Variants in TMEM87B observed in about 807,000 individuals in gnomAD.
TMEM87B encodes transmembrane protein 87B.
A neutral mutation model predicts 80.3 loss-of-function variants in TMEM87B; 83 were observed. The observed-to-expected ratio is 1.03, with a 90% CI of 0.87 to 1.24. The LOEUF (loss-of-function observed/expected upper bound fraction) is 1.24, where lower values mean the gene tolerates loss of function less well. Ranked by LOEUF, TMEM87B falls within the 50% of genes most tolerant of loss-of-function variation. The pLI is 0.00. For synonymous variants in TMEM87B, 219 were observed against 230.5 expected (o/e 0.95, Z 0.45); for missense variants, 625 against 674.4 (o/e 0.93, Z 0.81).
chr2:112,085,784 A>G (rs1679125986), intron 8 of TMEM87B, among the ~76,000 whole-genome samples: 1 of 152,240 alleles, frequency 6.6e-6, no homozygotes, highest in African/African-American at 2.4e-5. Context: ...AGCTGTGCCC[A>G]GTGGAGCAGA....
chr2:112,068,215 A>AAAAAAC (rs910565364), intron 4 of TMEM87B, among the ~76,000 whole-genome samples: 4 of 152,344 alleles, frequency 2.6e-5, no homozygotes, highest in East Asian at 3.9e-4. Context: ...ACTCCGTCTC[A>AAAAAAC]AAAAACAAAA....
At chr2:112,069,385 C>A (rs1004208775) in intron 4 of TMEM87B, among the ~76,000 whole-genome samples, 3 of 152,078 alleles carry the variant, frequency 2.0e-5, no homozygotes. Flanking sequence ...ATTTTCTCAT[C>A]ATTTAGCTCC....
At chr2:112,111,578 C>G (rs938276773) in intron 17 of TMEM87B, among the ~76,000 whole-genome samples, 1 of 152,090 alleles carries the variant, frequency 6.6e-6, no homozygotes, top group Non-Finnish European at 1.5e-5. Flanking sequence ...TCTTCACTTA[C>G]GAAAACTTTA....
chr2:112,112,724 A>T (rs572259598), intron 17 of TMEM87B, among the ~76,000 whole-genome samples, 175 bp from the exon 18 acceptor site: 1 of 152,242 alleles, frequency 6.6e-6, no homozygotes, highest in East Asian at 1.9e-4. Context: ...TGAGAACAGC[A>T]CTGCTGCGAA....
In TMEM87B at chr2:112,064,143, ACTTTCTTTTT is replaced by A. The variant is rs752118386; in HGVS notation, c.227-16_227-7del. The A allele has an allele frequency of 1.6e-5, 26 of 1,605,346 alleles. No homozygotes were observed. The highest frequency in any genetic ancestry group is 2.2e-5 in the Non-Finnish European group (26 of 1,174,260). ...GTATGTATTATTCATGTAAAACAAG[ACTTTCTTTTT>A]CTAAACAGTTAAGTCATTCCATTGT... is the stretch of plus-strand genomic sequence containing the variant. On this transcript the variant is annotated splice_polypyrimidine_tract_variant and intron_variant, in intron 2 of 18. Coordinates refer to ENST00000283206, the MANE Select transcript of TMEM87B (RefSeq NM_032824.3).
intron 4 of TMEM87B, among the ~76,000 whole-genome samples, chr2:112,067,324 G>A (rs59667312): frequency 0.15 from 23,039 of 152,140 alleles, 1,853 homozygotes; most frequent in South Asian, 0.21. Context: ...AGTAAGATAC[G>A]TGGCTGGGCG....
intron 16 of TMEM87B, among the ~76,000 whole-genome samples, chr2:112,107,392 C>T (rs1008652861): frequency 2.7e-5 from 4 of 148,474 alleles, no homozygotes; most frequent in Non-Finnish European, 6.0e-5. Flanking sequence ...TTTGTATTAT[C>T]ATCATTTTTT....
rs938268335 is a variant in TMEM87B, at chr2:112,055,797, C to T, written c.165+41C>T. 7 of 1,447,144 alleles carry T rather than the reference C, an allele frequency of 4.8e-6. No individual in the cohort carries two copies. The African/African-American group carries it at 7.4e-5, about 15-fold the overall frequency. 89.6% of individuals were successfully genotyped at this position (1,447,144 alleles called of 1,614,324 possible). A position where few individuals can be genotyped will look rare whatever the true frequency, so the allele number is the denominator to read the frequency against. ...GGACCCAGGCGTGGCACGTCTCGGG[C>T]CGTCAGGGCCGTCGTGCGGCTTCGC... On this transcript the variant is annotated intron_variant, in intron 1 of 18. Coordinates refer to ENST00000283206, the MANE Select transcript of TMEM87B (RefSeq NM_032824.3).
At chr2:112,092,485 C>G (rs913044108) in intron 11 of TMEM87B, among the ~76,000 whole-genome samples, 1 of 152,166 alleles carries the variant, frequency 6.6e-6, no homozygotes, top group African/African-American at 2.4e-5. Flanking sequence ...GTGATGAAAC[C>G]TGTGTCAGTG....
chr2:112,109,260 G>A (rs1679849010), intron 17 of TMEM87B, among the ~76,000 whole-genome samples: 2 of 151,838 alleles, frequency 1.3e-5, no homozygotes, highest in South Asian at 4.2e-4. Flanking sequence ...GGAAAATATG[G>A]GTGTATATAT....
At chr2:112,075,405 A>G (rs1477386526) in intron 5 of TMEM87B, among the ~76,000 whole-genome samples, 2 of 152,214 alleles carry the variant, frequency 1.3e-5, no homozygotes, top group Admixed American at 1.3e-4. Flanking sequence ...GCCTCAAAAA[A>G]AAGTTTTCTT....
At chr2:112,086,202 A>C (rs1679141583) in intron 9 of TMEM87B, 98 bp downstream of exon 9, 3 of 864,416 alleles carry the variant, frequency 3.5e-6, no homozygotes, top group Non-Finnish European at 3.5e-6. Context: ...TAAGTATTGT[A>C]GTACAAATCC....
chr2:112,112,138 G>T (rs1470064738), intron 17 of TMEM87B, among the ~76,000 whole-genome samples: 1 of 152,170 alleles, frequency 6.6e-6, no homozygotes. Context: ...CGTTGTGCGT[G>T]GCTCTTTCAT....
rs1484152318 is a variant in TMEM87B at position 112,095,153 on chromosome 2, TTTTC to T, written c.1105-1879_1105-1876del. On this transcript the variant is annotated intron_variant, in intron 11 of 18. Coordinates refer to ENST00000283206, the MANE Select transcript of TMEM87B (RefSeq NM_032824.3). ...TTGTTTCTCTTTCGTTTCTCTTTTC[TTTTC>T]TTTCTTTCTTTTTTTTTTTTTTTTT... is the stretch of plus-strand genomic sequence containing the variant. The T allele has an allele frequency of 1.3e-4, 124 of 931,288 alleles. 1 individual carries two copies. The highest frequency in any genetic ancestry group is 1.1e-3 in the African/African-American group (56 of 52,772). 57.7% of individuals were successfully genotyped at this position (931,288 alleles called of 1,614,324 possible). A position where few individuals can be genotyped will look rare whatever the true frequency, so the allele number is the denominator to read the frequency against.
At chr2:112,072,776 C>T (rs895914044) in intron 4 of TMEM87B, among the ~76,000 whole-genome samples, 4 of 151,496 alleles carry the variant, frequency 2.6e-5, no homozygotes, top group African/African-American at 9.7e-5. Flanking sequence ...TAGTTCAGCT[C>T]TGATTTTGGT....
chr2:112,060,880 T>C (rs902577925), intron 2 of TMEM87B, among the ~76,000 whole-genome samples: 1 of 152,230 alleles, frequency 6.6e-6, no homozygotes. Flanking sequence ...AAATGTAATG[T>C]GAATCATTTT....
intron 16 of TMEM87B, among the ~76,000 whole-genome samples, chr2:112,106,681 A>G (rs1679777384): frequency 6.6e-6 from 1 of 152,174 alleles, no homozygotes; most frequent in Non-Finnish European, 1.5e-5. Flanking sequence ...TTTTGAAGAC[A>G]ACAATGTAAA....
At chr2:112,080,539 G>T (rs1022834592) in intron 6 of TMEM87B, among the ~76,000 whole-genome samples, 2 of 152,214 alleles carry the variant, frequency 1.3e-5, no homozygotes, top group African/African-American at 4.8e-5. Context: ...GATTACAGGG[G>T]TGAGCCACCA....
intron 5 of TMEM87B, among the ~76,000 whole-genome samples, chr2:112,076,880 G>GTGTC (rs1477559638): frequency 1.4e-5 from 2 of 139,020 alleles, no homozygotes; most frequent in Non-Finnish European, 3.1e-5. Flanking sequence ...GTGTGTGTGT[G>GTGTC]TGTGTGTGTC....
Sources: allele counts gnomAD v4.1 joint callset (sites outside exome capture counted in the v4.1 genomes callset), GRCh38; gene constraint gnomAD v4.1.1; transcripts MANE v1.5; gene names NCBI Gene and HGNC (gene_info 2026-07-23, HGNC 2026-07-21).